Variants in CAPN15 observed in about 807,000 individuals in gnomAD.
CAPN15 encodes the protein calpain-15.
Under a neutral mutation model 97.9 loss-of-function variants are expected in CAPN15, and 53 were observed. The ratio of observed to expected loss-of-function variants is 0.54; its 90% CI spans 0.43 to 0.68. The LOEUF (loss-of-function observed/expected upper bound fraction) is 0.68, where lower values mean the gene tolerates loss of function less well. Ranked by LOEUF, CAPN15 falls within the 30% of genes least tolerant of loss-of-function variation. The pLI, the probability that CAPN15 is intolerant of heterozygous loss-of-function variation, is 0.00. For synonymous variants in CAPN15, 922 were observed against 722.5 expected, an observed-to-expected ratio of 1.28 and a Z score of -4.43; for missense variants, 1,592 against 1,589.8, an observed-to-expected ratio of 1.00 and a Z score of -0.02.
chr16:549,075 G>A lies in CAPN15; in HGVS notation c.1532G>A (p.Arg511His), dbSNP rs754767101. Residue 511 changes from arginine to histidine, a missense_variant, in exon 5 of 14, where the codon CGT becomes CAT. Around this residue, in one of 3 missense-constraint regions of CAPN15, gnomAD observed 883 missense variants for 776.6 expected, o/e 1.14. Coordinates refer to ENST00000219611, the MANE Select transcript of CAPN15 (RefSeq NM_005632.3). Reference sequence around the variant, plus strand: ...CCCGCGGGTGACAGCGTGCAGCAGCGTGTGAGGCAGTGGCTGCGACCCCAG... The same window carrying A: ...CCCGCGGGTGACAGCGTGCAGCAGCATGTGAGGCAGTGGCTGCGACCCCAG... ...GFPAGDSVQQ[R>H]VRQWLRPQEI... The A allele has an allele frequency of 1.7e-5, 28 of 1,612,534 alleles. No homozygotes were observed. Among genetic ancestry groups the A allele is most frequent in the South Asian group, 4.4e-5 (4 of 91,094 alleles).
chr16:529,471 G>C (rs1265176192), intron 1 of CAPN15, among the ~76,000 whole-genome samples: 1 of 152,246 alleles, frequency 6.6e-6, no homozygotes, highest in African/African-American at 2.4e-5. Flanking sequence ...TCATGGCAGG[G>C]GAGGGGCCGA....
intron 3 of CAPN15, among the ~76,000 whole-genome samples, chr16:541,339 G>T (rs952111347): frequency 6.6e-6 from 1 of 152,186 alleles, no homozygotes; most frequent in Non-Finnish European, 1.5e-5. Flanking sequence ...GAGTTACCCC[G>T]ATGAACAGGG....
At position 548,120 on chromosome 16, in the gene CAPN15, C is replaced by A. The variant is rs201381487; in HGVS notation, c.1282C>A (p.Arg428=). 6.5e-7 allele frequency: 1 copy of A among 1,534,130 alleles called. No homozygotes were observed. ...CPACTLLNAL[R]AKHCAACHTP... The stretch of plus-strand genomic sequence containing the variant: ...TGCCTGTACCCTGCTCAACGCACTG[C>A]GGGCCAAGCACTGCGCCGCCTGCCA... The change falls in exon 4 of 14, where the codon CGG becomes AGG. Residue 428 remains arginine (R), a synonymous_variant. Transcript: ENST00000219611.
At chr16:546,676 C>T in intron 3 of CAPN15, 141 bp from the exon 4 acceptor site, 1 of 1,164,884 alleles carries the variant, frequency 8.6e-7, no homozygotes, top group Non-Finnish European at 1.2e-6. Flanking sequence ...CCACCGCCGC[C>T]TGCCTCAAAT....
At position 549,457 on chromosome 16, in the gene CAPN15, C is replaced by T. The variant is rs1284545785; in HGVS notation, c.1828C>T (p.Leu610Phe). ...DMLPCDEAGC[L>F]LFSQAQRKQL... ...GCTGCCCTGTGATGAGGCCGGCTGC[C>T]TCCTCTTCTCACAGGTGGGGCGGCC... The change falls in exon 6 of 14, where the codon CTC (leucine) becomes TTC (phenylalanine). Residue 610 changes from leucine to phenylalanine, a missense_variant. Physicochemically the swap from Leu to Phe is conservative, Grantham distance 22. Transcript: ENST00000219611. 1 of 1,593,666 alleles carries T rather than the reference C, an allele frequency of 6.3e-7. No individual in the cohort carries two copies. The highest frequency in any genetic ancestry group is 8.5e-7 in the Non-Finnish European group (1 of 1,176,362).
At chr16:536,947 C>G (rs1183229183) in intron 3 of CAPN15, 1 of 172,826 alleles carries the variant, frequency 5.8e-6, no homozygotes, top group Non-Finnish European at 1.1e-5. Context: ...CCTTAGTGGG[C>G]CTCGCCAGCC....
intron 3 of CAPN15, among the ~76,000 whole-genome samples, chr16:546,386 T>C (rs1334817764): frequency 6.6e-6 from 1 of 152,232 alleles, no homozygotes; most frequent in Non-Finnish European, 1.5e-5. Flanking sequence ...CAGATCAGCC[T>C]GTGCCTTCCC....
intron 3 of CAPN15, among the ~76,000 whole-genome samples, chr16:542,849 T>A (rs542087528): frequency 2.0e-5 from 3 of 151,126 alleles, no homozygotes; most frequent in South Asian, 2.1e-4. Flanking sequence ...AGGTCAGGAG[T>A]TCAAGACCAG....
intron 2 of CAPN15, among the ~76,000 whole-genome samples, 196 bp downstream of exon 2, chr16:534,194 C>G (rs1042468306): frequency 6.6e-6 from 1 of 152,264 alleles, no homozygotes; most frequent in East Asian, 1.9e-4. Flanking sequence ...GTGGTCCTGT[C>G]GTGGGAGGCG....
intron 7 of CAPN15, among the ~76,000 whole-genome samples, chr16:550,831 C>G (rs1487424203): frequency 2.5e-3 from 86 of 34,648 alleles, no homozygotes; most frequent in Middle Eastern, 0.022. Flanking sequence ...GAGGGTGCCC[C>G]GTCGGTGATG....
At chr16:544,072 G>A (rs1021766261) in intron 3 of CAPN15, among the ~76,000 whole-genome samples, 1 of 152,178 alleles carries the variant, frequency 6.6e-6, no homozygotes, top group Non-Finnish European at 1.5e-5. Flanking sequence ...TACGGGCCGG[G>A]CACCGGCGGC....
Position 535,023 on chromosome 16 carries a change from C to T in CAPN15, c.-136-1006C>T, listed in dbSNP as rs140777826. Among the ~76,000 whole-genome samples the T allele has an allele frequency of 5.9e-5, 9 of 152,212 alleles. No individual in the cohort carries two copies. The highest frequency in any genetic ancestry group is 1.9e-4 in the East Asian group (1 of 5,184). On this transcript the variant is annotated intron_variant, in intron 2 of 13. Transcript: ENST00000219611. This position sits in a 1 kb window ranked among gnomAD's most constrained non-coding sequence, Gnocchi z 6.2. ...TTAGCGAGACAGTGAGGAGTGTATG[C>T]GGAGTGGACACAGCTGTGGGTGCCG...
Position 553,795 on chromosome 16 carries a change from G to A in CAPN15, c.*279G>A, listed in dbSNP as rs376775446. On this transcript the variant is annotated 3_prime_UTR_variant, in exon 14 of 14. Coordinates refer to ENST00000219611, the MANE Select transcript of CAPN15 (RefSeq NM_005632.3). Reference sequence around the variant, plus strand: ...CGCTCACCTGCCAGCCCCAACACCCGACGGGGGCCGAGGCCAGGCTGCCCC... The same window carrying A: ...CGCTCACCTGCCAGCCCCAACACCCAACGGGGGCCGAGGCCAGGCTGCCCC... The A allele has an allele frequency of 2.4e-4, 83 of 344,054 alleles. No homozygotes were observed. Among genetic ancestry groups the A allele is most frequent in the South Asian group, 6.6e-4 (8 of 12,056 alleles). 21.3% of individuals were successfully genotyped at this position (344,054 alleles called of 1,614,324 possible). A position where few individuals can be genotyped will look rare whatever the true frequency, so the allele number is the denominator to read the frequency against.
In CAPN15 at chr16:552,769, G is replaced by C. The variant is rs1365437285; in HGVS notation, c.2902G>C (p.Glu968Gln). 6.5e-7 allele frequency: 1 copy of C among 1,529,664 alleles called. No individual in the cohort carries two copies. The highest frequency in any genetic ancestry group is 8.8e-7 in the Non-Finnish European group (1 of 1,135,940). 94.8% of individuals were successfully genotyped at this position (1,529,664 alleles called of 1,614,324 possible). The change falls in exon 12 of 14, where the codon GAG (glutamate) becomes CAG (glutamine). Residue 968 changes from glutamate (E) to glutamine (Q), a missense_variant and splice_region_variant. Around this residue, in one of 3 missense-constraint regions of CAPN15, gnomAD observed 644 missense variants for 699.6 expected, o/e 0.92. Transcript: ENST00000219611. This position sits in a 1 kb window ranked among gnomAD's most constrained non-coding sequence, Gnocchi z 6.4. ...LLTESRGERH[E>Q]GREGMTCYYL... Reference sequence around the variant, plus strand: ...CACCGAGAGCCGCGGAGAGCGGCACGAGGTGGGTGGGGGTCCCGGGGGAGG... The same window carrying C: ...CACCGAGAGCCGCGGAGAGCGGCACCAGGTGGGTGGGGGTCCCGGGGGAGG...
chr16:545,407 G>T (rs771846769), intron 3 of CAPN15, among the ~76,000 whole-genome samples: 1 of 151,966 alleles, frequency 6.6e-6, no homozygotes, highest in East Asian at 1.9e-4. Context: ...AGCGCAGACT[G>T]CGGGGTCAGT....
rs767141487 is a variant in CAPN15, at chr16:553,397, C to T, written c.3142C>T (p.Arg1048Cys). Residue 1048 changes from arginine to cysteine, a missense_variant, in exon 14 of 14, where the codon CGC becomes TGC. Arg to Cys is a radical substitution (Grantham distance 180, BLOSUM62 -3). This residue lies in a region of CAPN15 where 644 missense variants were observed against 699.6 expected (regional missense o/e 0.92). Coordinates refer to ENST00000219611, the MANE Select transcript of CAPN15 (RefSeq NM_005632.3). ...EGNAGFSITH[R>C]LAHRKAAQAF... ...CAACGCCGGCTTCTCTATCACCCAC[C>T]GCCTGGCACATCGCAAGGCAGCCCA... 8 of 1,610,704 alleles carry T rather than the reference C, an allele frequency of 5.0e-6. No homozygotes were observed. The highest frequency in any genetic ancestry group is 1.3e-5 in the African/African-American group (1 of 74,294).
In CAPN15 at chr16:542,992, A is replaced by G. The variant is rs368068610; in HGVS notation, c.-22-3825A>G. Among the ~76,000 whole-genome samples the G allele has an allele frequency of 3.8e-3, 575 of 150,214 alleles. 7 individuals are homozygous for G. Among genetic ancestry groups the G allele is most frequent in the African/African-American group, 0.013 (523 of 39,600 alleles). On this transcript the variant is annotated intron_variant, in intron 3 of 13. Coordinates refer to ENST00000219611, the MANE Select transcript of CAPN15 (RefSeq NM_005632.3). ...CTTGAACTTGGGAGGCGGAGGTTGC[A>G]GTGAGCCAAGATTGCACCACTGCAC...
chr16:548,107 G>C lies in CAPN15; in HGVS notation c.1269G>C (p.Leu423=). 1.3e-6 allele frequency: 2 copies of C among 1,539,388 alleles called. No homozygotes were observed. The highest frequency in any genetic ancestry group is 1.2e-5 in the South Asian group (1 of 81,502). The change falls in exon 4 of 14, where the codon CTG becomes CTC. Residue 423 remains leucine, a synonymous_variant. Coordinates refer to ENST00000219611, the MANE Select transcript of CAPN15 (RefSeq NM_005632.3). ...AGTGGGCCTGCCCTGCCTGTACCCTGCTCAACGCACTGCGGGCCAAGCACT... is the reference window on the plus strand; with the variant it reads ...AGTGGGCCTGCCCTGCCTGTACCCTCCTCAACGCACTGCGGGCCAAGCACT... The part of the protein sequence containing the change: ...PGQWACPACT[L]LNALRAKHCA...
chr16:547,025 G>A lies in CAPN15; in HGVS notation c.187G>A (p.Ala63Thr). The A allele has an allele frequency of 1.9e-6, 3 of 1,609,758 alleles. No homozygotes were observed. The highest frequency in any genetic ancestry group is 1.1e-5 in the South Asian group (1 of 90,998). The change falls in exon 4 of 14, where the codon GCC becomes ACC. Residue 63 changes from alanine (A) to threonine (T), a missense_variant. By Grantham distance (58) the Ala-to-Thr change is moderately conservative (BLOSUM62 0). Transcript: ENST00000219611. Reference sequence around the variant, plus strand: ...CTTCCGCAACTTCCTGGGCAAGGAGGCCTGCGAGGTGTGCGGCTTCACCCC... The same window carrying A: ...CTTCCGCAACTTCCTGGGCAAGGAGACCTGCGAGGTGTGCGGCTTCACCCC... ...CTFRNFLGKEACEVCGFTPEP... is the reference protein window; with the variant it reads ...CTFRNFLGKETCEVCGFTPEP...
Sources: gnomAD v4.1 joint callset for allele counts (sites outside exome capture counted in the v4.1 genomes callset) on GRCh38, gnomAD v4.1.1 for gene constraint, gnomAD v4.1.1 regional missense constraint, Gnocchi (gnomAD v3.1) non-coding constraint, MANE v1.5 for transcripts, NCBI Gene and HGNC (gene_info 2026-07-23, HGNC 2026-07-21) for gene names.